Variants in WDFY3 observed in about 807,000 individuals in gnomAD.
WDFY3 encodes WD repeat and FYVE domain-containing protein 3.
In WDFY3, 66 loss-of-function variants were observed where a neutral mutation model predicts 409.6. The ratio of observed to expected loss-of-function variants is 0.16; its 90% CI spans 0.13 to 0.20. WDFY3 has a LOEUF of 0.20. Among genes scored for constraint, WDFY3 ranks in the 10% least tolerant of loss-of-function variants. WDFY3 has a pLI of 1.00. For synonymous variants in WDFY3, 1,521 were observed against 1,537.1 expected (o/e 0.99, Z 0.25); for missense variants, 3,031 against 4,298.1 (o/e 0.71, Z 8.24).
chr4:84,690,364 A>T, intron 61 of WDFY3, 142 bp downstream of exon 61: 4 of 1,188,098 alleles, frequency 3.4e-6, no homozygotes, highest in Non-Finnish European at 4.7e-6. Context: ...TCAAAAAAGT[A>T]TTTCTAGCAA....
intron 3 of WDFY3, among the ~76,000 whole-genome samples, chr4:84,882,072 C>T (rs567722114): frequency 6.6e-6 from 1 of 152,214 alleles, no homozygotes; most frequent in African/African-American, 2.4e-5. Flanking sequence ...TTTGACAGCT[C>T]TTTGCTCTCT....
intron 9 of WDFY3, among the ~76,000 whole-genome samples, chr4:84,827,463 G>T (rs977352134): frequency 3.9e-5 from 6 of 151,980 alleles, no homozygotes; most frequent in Non-Finnish European, 7.4e-5. Flanking sequence ...GCTTTCACAG[G>T]TAAGCTTTCA....
chr4:84,741,034 C>T (rs888776091), intron 38 of WDFY3, among the ~76,000 whole-genome samples: 20 of 152,102 alleles, frequency 1.3e-4, no homozygotes, highest in African/African-American at 4.8e-4. Context: ...GTACTGTGAA[C>T]ATGCACAAAA....
chr4:84,891,244 G>T (rs1397243205), intron 3 of WDFY3, among the ~76,000 whole-genome samples: 2 of 152,104 alleles, frequency 1.3e-5, no homozygotes, highest in Non-Finnish European at 2.9e-5. Flanking sequence ...CCATGATTTT[G>T]TAAGCCACTA....
intron 55 of WDFY3, among the ~76,000 whole-genome samples, chr4:84,703,844 T>C (rs1280220325): frequency 2.6e-5 from 4 of 152,348 alleles, no homozygotes; most frequent in Non-Finnish European, 5.9e-5. Context: ...AATTTTCTTA[T>C]TTTTGATTTC....
chr4:84,690,403 G>T (rs1187834764), intron 61 of WDFY3, 103 bp downstream of exon 61: 10 of 1,516,638 alleles, frequency 6.6e-6, no homozygotes, highest in East Asian at 2.3e-5. Context: ...TTGTCCATTA[G>T]ATCTGAAGTA....
intron 3 of WDFY3, among the ~76,000 whole-genome samples, chr4:84,879,095 G>T (rs1763154953): frequency 6.6e-6 from 1 of 152,084 alleles, no homozygotes; most frequent in Non-Finnish European, 1.5e-5. Context: ...CTTTTGCAAG[G>T]TATAAAAAGG....
rs776549625 is a variant in WDFY3, at chr4:84,820,146, G to A, written c.1632C>T (p.His544=). The A allele has an allele frequency of 6.2e-7, 1 of 1,608,694 alleles. No individual in the cohort carries two copies. Among genetic ancestry groups the A allele is most frequent in the Non-Finnish European group, 8.5e-7 (1 of 1,176,794 alleles). ...AGGTCTCCATAACCAATAAAGCCAG[G>A]TGTTTTTGGTCTTCAACTGAACTAT... ...RNNSSVEDQK[H]LALLVMETLT... is the part of the protein sequence containing the mutation. Residue 544 remains histidine (H), a synonymous_variant, in exon 12 of 68, where the codon CAC becomes CAT. Transcript: ENST00000295888.
At chr4:84,802,808 G>A (rs774630872) in intron 16 of WDFY3, among the ~76,000 whole-genome samples, 112 of 152,254 alleles carry the variant, frequency 7.4e-4, no homozygotes, top group Non-Finnish European at 1.2e-3. Context: ...TTAATGGTGG[G>A]CAGATAACTA....
intron 46 of WDFY3, among the ~76,000 whole-genome samples, chr4:84,724,006 G>A (rs1039280985): frequency 6.6e-6 from 1 of 152,058 alleles, no homozygotes; most frequent in Non-Finnish European, 1.5e-5. Flanking sequence ...CTTACTATTG[G>A]CTAATATGCA....
At chr4:84,752,320 C>A (rs1159830043) in intron 35 of WDFY3, among the ~76,000 whole-genome samples, 7 of 152,030 alleles carry the variant, frequency 4.6e-5, no homozygotes, top group African/African-American at 1.4e-4. Context: ...TCGAGACTAG[C>A]CTGGCCAACA....
chr4:84,816,212 T>C (rs1457410760), intron 13 of WDFY3, among the ~76,000 whole-genome samples: 1 of 152,150 alleles, frequency 6.6e-6, no homozygotes, highest in East Asian at 1.9e-4. Context: ...GAACATAAAT[T>C]TTAATGGACT....
In WDFY3 at chr4:84,672,809, G is replaced by A. The variant is rs895120806; in HGVS notation, c.*59C>T. 1.2e-6 allele frequency: 2 copies of A among 1,600,342 alleles called. No homozygotes were observed. Among genetic ancestry groups the A allele is most frequent in the African/African-American group, 2.7e-5 (2 of 74,208 alleles). On this transcript the variant is annotated 3_prime_UTR_variant, in exon 68 of 68. Coordinates refer to ENST00000295888, the MANE Select transcript of WDFY3 (RefSeq NM_014991.6). ...ACTGTTTTCAATGCCTTCCAAGCTG[G>A]GACAGGAGAATCGGGAAGGGGTCTA...
intron 1 of WDFY3, among the ~76,000 whole-genome samples, chr4:84,953,558 A>AT (rs978749076): frequency 1.3e-5 from 2 of 152,074 alleles, no homozygotes; most frequent in Non-Finnish European, 2.9e-5. Flanking sequence ...AATAAAATGT[A>AT]TTTTTTTAAA....
intron 52 of WDFY3, 120 bp from the exon 53 acceptor site, chr4:84,709,148 T>C: frequency 2.1e-6 from 3 of 1,450,912 alleles, no homozygotes; most frequent in Non-Finnish European, 2.8e-6. Context: ...TTCAGAACAA[T>C]GAAATACTTT....
At chr4:84,715,211 A>G in intron 50 of WDFY3, 87 bp downstream of exon 50, 1 of 728,382 alleles carries the variant, frequency 1.4e-6, no homozygotes. Context: ...ATTGATCTAG[A>G]TTTTTAAAAA....
rs548284335 is a variant in WDFY3 at position 84,940,500 on chromosome 4, C to T, written c.-225-8137G>A. Among the ~76,000 whole-genome samples the T allele has an allele frequency of 2.0e-5, 3 of 152,166 alleles. No individual in the cohort carries two copies. In the East Asian group the frequency reaches 5.8e-4, roughly 29 times the overall value. ...GGTTTACTTTGAAGTGTCATTGCCT[C>T]CCATAAACCTCTGGCCCCATTACCT... On this transcript the variant is annotated intron_variant, in intron 1 of 67. Coordinates refer to ENST00000295888, the MANE Select transcript of WDFY3 (RefSeq NM_014991.6).
intron 5 of WDFY3, chr4:84,844,649 T>C: frequency 2.0e-6 from 1 of 498,142 alleles, no homozygotes. Context: ...CACTACTAGG[T>C]TTAACAGTGG....
intron 2 of WDFY3, among the ~76,000 whole-genome samples, chr4:84,931,682 T>C (rs1770783559): frequency 6.6e-6 from 1 of 152,152 alleles, no homozygotes; most frequent in Admixed American, 6.5e-5. Flanking sequence ...TTTGATTACT[T>C]GCAATCAACA....
Sources: gnomAD v4.1 joint callset for allele counts (sites outside exome capture counted in the v4.1 genomes callset) on GRCh38, gnomAD v4.1.1 for gene constraint, MANE v1.5 for transcripts, NCBI Gene and HGNC (gene_info 2026-07-23, HGNC 2026-07-21) for gene names.